TAFA4: variants seen among roughly 807,000 people sequenced by gnomAD.
TAFA4 encodes the protein chemokine-like protein TAFA-4.
A neutral mutation model predicts 21.1 loss-of-function variants in TAFA4; 20 were observed. The observed-to-expected ratio is 0.95, with a 90% confidence interval of 0.67 to 1.38. The LOEUF (loss-of-function observed/expected upper bound fraction) is 1.38, where lower values mean the gene tolerates loss of function less well. Among genes scored for constraint, TAFA4 ranks in the 40% most tolerant of loss-of-function variants. TAFA4 has a pLI of 0.00. For synonymous variants in TAFA4, 71 were observed against 67.4 expected (o/e 1.05, Z -0.26); for missense variants, 211 against 180.9 (o/e 1.17, Z -0.95).
chr3:68,733,165 C>A lies in TAFA4; in HGVS notation c.412-12G>T, dbSNP rs1702181281. The A allele has an allele frequency of 1.2e-6, 2 of 1,612,850 alleles. No individual in the cohort carries two copies. Among genetic ancestry groups the A allele is most frequent in the East Asian group, 2.2e-5 (1 of 44,860 alleles). On this transcript the variant is annotated splice_polypyrimidine_tract_variant and intron_variant, in intron 5 of 5. Coordinates refer to ENST00000295569, the MANE Select transcript of TAFA4 (RefSeq NM_182522.5). ...CGCTACCGCGTTACCTAAAACAAAT[C>A]AAAATAAGGGAACATTCAACACTCT...
At chr3:68,799,309 T>C (rs1164409798) in intron 3 of TAFA4, among the ~76,000 whole-genome samples, 1 of 152,178 alleles carries the variant, frequency 6.6e-6, no homozygotes, top group African/African-American at 2.4e-5. Context: ...TTCCTGGTCC[T>C]GGAACAAAGC....
chr3:68,805,723 C>T (rs188734848), intron 3 of TAFA4, among the ~76,000 whole-genome samples: 7 of 151,322 alleles, frequency 4.6e-5, no homozygotes, highest in East Asian at 2.0e-4. Context: ...CCAAACACCG[C>T]GTGTTCTCAC....
chr3:68,746,401 T>G (rs746939110), intron 4 of TAFA4, among the ~76,000 whole-genome samples: 1 of 152,160 alleles, frequency 6.6e-6, no homozygotes, highest in Admixed American at 6.5e-5. Flanking sequence ...GTGAAAGATA[T>G]TCTAAAGAAA....
At chr3:68,818,449 G>C (rs1440109297) in intron 3 of TAFA4, among the ~76,000 whole-genome samples, 1 of 152,152 alleles carries the variant, frequency 6.6e-6, no homozygotes, top group Admixed American at 6.5e-5. Context: ...TTTTTCCCTT[G>C]CATCCACAAC....
At chr3:68,854,077 T>C (rs1705008521) in intron 3 of TAFA4, among the ~76,000 whole-genome samples, 2 of 152,196 alleles carry the variant, frequency 1.3e-5, no homozygotes, top group South Asian at 4.1e-4. Flanking sequence ...CATATAATTA[T>C]GATTTATATC....
intron 3 of TAFA4, among the ~76,000 whole-genome samples, chr3:68,879,055 C>G (rs1575654866): frequency 6.6e-6 from 1 of 152,058 alleles, no homozygotes; most frequent in African/African-American, 2.4e-5. Context: ...TCTTCTAATC[C>G]AAGCCATAAA....
At chr3:68,838,747 T>C (rs1159873533) in intron 3 of TAFA4, among the ~76,000 whole-genome samples, 1 of 152,088 alleles carries the variant, frequency 6.6e-6, no homozygotes, top group African/African-American at 2.4e-5. Context: ...CTGTGGGTCA[T>C]AGTTTGCCAA....
intron 3 of TAFA4, among the ~76,000 whole-genome samples, chr3:68,856,630 G>C (rs1048886196): frequency 6.6e-6 from 1 of 152,216 alleles, no homozygotes; most frequent in Admixed American, 6.5e-5. Flanking sequence ...CAGGAACCTT[G>C]AGATAAAAAG....
rs143982954 is a variant in TAFA4, at chr3:68,871,340, C to A, written c.130+9390G>T. 2.6e-3 allele frequency among the ~76,000 whole-genome samples: 401 copies of A among 152,030 alleles called. 1 individual carries two copies. The highest frequency in any genetic ancestry group is 9.2e-3 in the African/African-American group (380 of 41,492). On this transcript the variant is annotated intron_variant, in intron 3 of 5. Coordinates refer to ENST00000295569, the MANE Select transcript of TAFA4 (RefSeq NM_182522.5). Reference sequence around the variant, plus strand: ...ACCTATATTGGGGAAAGGACAGTCTCTTCAAAAAATGGTGCTGGGAAAACT... The same window carrying A: ...ACCTATATTGGGGAAAGGACAGTCTATTCAAAAAATGGTGCTGGGAAAACT...
chr3:68,758,718 G>A (rs1465322381), intron 3 of TAFA4, among the ~76,000 whole-genome samples: 2 of 152,222 alleles, frequency 1.3e-5, no homozygotes. Flanking sequence ...ACAGGAGGTA[G>A]GTACTCGGCA....
At chr3:68,826,424 T>C (rs1329276879) in intron 3 of TAFA4, among the ~76,000 whole-genome samples, 2 of 151,898 alleles carry the variant, frequency 1.3e-5, no homozygotes, top group Non-Finnish European at 2.9e-5. Flanking sequence ...TACAAAAAAA[T>C]TGGCTCGGCA....
intron 1 of TAFA4, among the ~76,000 whole-genome samples, chr3:68,895,023 T>G (rs1321515147): frequency 6.6e-6 from 1 of 152,042 alleles, no homozygotes; most frequent in African/African-American, 2.4e-5. Context: ...TGGGCTAATT[T>G]TTTTTTTTCT....
At chr3:68,875,251 G>C (rs1484128841) in intron 3 of TAFA4, among the ~76,000 whole-genome samples, 2 of 149,772 alleles carry the variant, frequency 1.3e-5, no homozygotes, top group Non-Finnish European at 3.0e-5. Flanking sequence ...TTTAACTTCT[G>C]AATCATTTGT....
chr3:68,755,363 AATGTAGCTAACC>A (rs1373072205), intron 3 of TAFA4, among the ~76,000 whole-genome samples: 4 of 152,222 alleles, frequency 2.6e-5, no homozygotes, highest in African/African-American at 4.8e-5. Flanking sequence ...ACAAAGAGTG[AATGTAGCTAACC>A]ATAAGTGGAA....
chr3:68,881,661 T>C (rs879902320), intron 2 of TAFA4, among the ~76,000 whole-genome samples: 2 of 152,240 alleles, frequency 1.3e-5, no homozygotes, highest in African/African-American at 2.4e-5. Context: ...CCGGTGCTAA[T>C]AGGTTCTTCC....
rs577818666 is a variant in TAFA4 at position 68,751,353 on chromosome 3, G to C, written c.286+1510C>G. ...CTGGGTAGAGGACTGAAAGCGGAAG[G>C]AGAGGTGTGGCACACTCAGCAAGAT... On this transcript the variant is annotated intron_variant, in intron 4 of 5. Coordinates refer to ENST00000295569, the MANE Select transcript of TAFA4 (RefSeq NM_182522.5). Among the ~76,000 whole-genome samples, 30 of 152,118 alleles carry C rather than the reference G, an allele frequency of 2.0e-4. No homozygotes were observed. In the South Asian group the frequency reaches 5.8e-3, roughly 29 times the overall value.
chr3:68,782,254 A>C (rs984692233), intron 3 of TAFA4, among the ~76,000 whole-genome samples: 11 of 152,220 alleles, frequency 7.2e-5, no homozygotes, highest in Non-Finnish European at 1.5e-5. Context: ...GATGCTCAAC[A>C]TCATCAGTCT....
At chr3:68,787,979 G>A (rs996965947) in intron 3 of TAFA4, among the ~76,000 whole-genome samples, 2 of 152,100 alleles carry the variant, frequency 1.3e-5, no homozygotes, top group African/African-American at 2.4e-5. Flanking sequence ...CAGTGTGTCC[G>A]GCAAAATTGG....
At chr3:68,859,821 A>C (rs547307532) in intron 3 of TAFA4, among the ~76,000 whole-genome samples, 1 of 152,156 alleles carries the variant, frequency 6.6e-6, no homozygotes, top group African/African-American at 2.4e-5. Flanking sequence ...AATATCCACC[A>C]ATTGCACGCC....
Sources: gnomAD v4.1 joint callset for allele counts (sites outside exome capture counted in the v4.1 genomes callset) on GRCh38, gnomAD v4.1.1 for gene constraint, MANE v1.5 for transcripts, NCBI Gene and HGNC (gene_info 2026-07-23, HGNC 2026-07-21) for gene names.